MME: variants seen among roughly 807,000 people sequenced by gnomAD.
The protein encoded by MME is neprilysin.
Under a neutral mutation model 113.2 loss-of-function variants are expected in MME, and 98 were observed. The ratio of observed to expected loss-of-function variants is 0.87; its 90% CI spans 0.74 to 1.02. The LOEUF (loss-of-function observed/expected upper bound fraction) is 1.02. MME is among the 50% of genes least tolerant of loss of function. The pLI is 0.00. For synonymous variants in MME, 292 were observed against 300.6 expected (o/e 0.97, Z 0.30); for missense variants, 836 against 896.0 (o/e 0.93, Z 0.86).
intron 18 of MME, among the ~76,000 whole-genome samples, chr3:155,168,279 C>A (rs184307852): frequency 6.5e-4 from 99 of 152,308 alleles, no homozygotes; most frequent in African/African-American, 2.4e-3. Context: ...GGTGAAATGT[C>A]TGGGTCAATG....
chr3:155,083,977 C>G (rs1426423686), intron 1 of MME, 181 bp from the exon 2 acceptor site: 12 of 592,658 alleles, frequency 2.0e-5, no homozygotes, highest in Non-Finnish European at 6.0e-6. Context: ...TGAGACCTGT[C>G]AAATTCATTT....
intron 17 of MME, among the ~76,000 whole-genome samples, chr3:155,164,653 A>T (rs890582409): frequency 1.3e-5 from 2 of 152,188 alleles, no homozygotes; most frequent in Non-Finnish European, 2.9e-5. Context: ...ACAGCATTTT[A>T]TATAATGGGT....
At chr3:155,169,362 G>C (rs565665721) in intron 20 of MME, among the ~76,000 whole-genome samples, 24 of 152,250 alleles carry the variant, frequency 1.6e-4, no homozygotes, top group African/African-American at 5.5e-4. Context: ...TGGAGCATCC[G>C]TTAGAATCCC....
intron 8 of MME, among the ~76,000 whole-genome samples, chr3:155,132,905 T>C (rs919536584): frequency 6.6e-6 from 1 of 150,914 alleles, no homozygotes; most frequent in African/African-American, 2.4e-5. Context: ...TACAAAAAAT[T>C]AGCCGGGCAT....
chr3:155,130,598 CAG>C (rs1559938008), intron 8 of MME, among the ~76,000 whole-genome samples: 1 of 152,104 alleles, frequency 6.6e-6, no homozygotes. Flanking sequence ...AGCGATGACC[CAG>C]AGTCTGTGCT....
chr3:155,113,683 G>A (rs1015100392), intron 3 of MME, among the ~76,000 whole-genome samples: 2 of 152,106 alleles, frequency 1.3e-5, no homozygotes, highest in African/African-American at 4.8e-5. Flanking sequence ...AGAACTGGGT[G>A]ACTTCTAGTC....
chr3:155,160,776 A>G (rs897125671), intron 17 of MME, among the ~76,000 whole-genome samples: 1 of 152,036 alleles, frequency 6.6e-6, no homozygotes, highest in Non-Finnish European at 1.5e-5. Context: ...ATATAAAGTC[A>G]TATTGACTTT....
chr3:155,042,867 A>T (rs890895136), intron 1 of MME, among the ~76,000 whole-genome samples: 3 of 137,796 alleles, frequency 2.2e-5, no homozygotes, highest in Non-Finnish European at 4.6e-5. Flanking sequence ...AGTAAACCCC[A>T]TGTAAATTTA....
chr3:155,159,111 G>A (rs1421652918), intron 16 of MME: 1 of 151,926 alleles, frequency 6.6e-6, no homozygotes, highest in Admixed American at 6.6e-5. Context: ...GTTATATATT[G>A]CCCTGTGCTA....
chr3:155,041,872 A>G (rs1436076035), intron 1 of MME, among the ~76,000 whole-genome samples: 2 of 152,214 alleles, frequency 1.3e-5, no homozygotes, highest in Non-Finnish European at 2.9e-5. Context: ...TAAGTTACTG[A>G]AAGTTATGGT....
chr3:155,040,730 A>G (rs1010240619), intron 1 of MME, among the ~76,000 whole-genome samples: 2 of 152,074 alleles, frequency 1.3e-5, no homozygotes, highest in African/African-American at 4.8e-5. Context: ...AATAATATCA[A>G]AAAAAGACTG....
chr3:155,085,432 G>A (rs896757612), intron 3 of MME: 2 of 175,870 alleles, frequency 1.1e-5, no homozygotes, highest in African/African-American at 4.7e-5. Flanking sequence ...ATGTCTCAGT[G>A]CACCTCACTA....
At chr3:155,157,765 T>A (rs1205094103) in intron 16 of MME, among the ~76,000 whole-genome samples, 1 of 152,210 alleles carries the variant, frequency 6.6e-6, no homozygotes, top group Non-Finnish European at 1.5e-5. Flanking sequence ...TCAAGAAAGA[T>A]CTCAAAGAAG....
chr3:155,167,082 T>C (rs1723157608), intron 18 of MME, 61 bp downstream of exon 18: 1 of 1,558,708 alleles, frequency 6.4e-7, no homozygotes, highest in Non-Finnish European at 8.8e-7. Flanking sequence ...TGATTAAGAG[T>C]TATTATAATT....
At chr3:155,164,139 GT>G (rs1310853586) in intron 17 of MME, among the ~76,000 whole-genome samples, 2 of 121,872 alleles carry the variant, frequency 1.6e-5, no homozygotes, top group African/African-American at 6.6e-5. Context: ...GTAAGACCCT[GT>G]TTCAAAAAAA....
intron 20 of MME, 112 bp from the exon 21 acceptor site, chr3:155,172,005 A>G: frequency 1.5e-6 from 1 of 683,830 alleles, no homozygotes; most frequent in East Asian, 2.7e-5. Context: ...ATGTATTATC[A>G]GGGTGATTTT....
intron 3 of MME, among the ~76,000 whole-genome samples, chr3:155,095,683 AT>A (rs368645428): frequency 5.2e-4 from 79 of 151,240 alleles, no homozygotes; most frequent in African/African-American, 1.8e-3. Flanking sequence ...CCTGGCATTC[AT>A]TTTTTTTTCC....
intron 21 of MME, 128 bp downstream of exon 21, chr3:155,172,340 A>C (rs1429683566): frequency 1.1e-5 from 9 of 808,202 alleles, no homozygotes; most frequent in Non-Finnish European, 4.3e-6. Context: ...TTCATTGTTT[A>C]TAATAGACTG....
chr3:155,125,444 CTTTTTTTTTTTT>C (rs1165027340), intron 8 of MME, among the ~76,000 whole-genome samples: 4 of 65,286 alleles, frequency 6.1e-5, no homozygotes, highest in African/African-American at 6.4e-5. Context: ...GCTCCTCCTC[CTTTTTTTTTTTT>C]TTTTTTTTTT....
Sources: allele counts gnomAD v4.1 joint callset (sites outside exome capture counted in the v4.1 genomes callset), GRCh38; gene constraint gnomAD v4.1.1; transcripts MANE v1.5; gene names NCBI Gene and HGNC (gene_info 2026-07-23, HGNC 2026-07-21).